The following STK3 variants were observed in gnomAD, a reference collection of about 807,000 sequenced individuals.
The protein encoded by STK3 is serine/threonine kinase 3.
In STK3, 41 loss-of-function variants were observed where a neutral mutation model predicts 58.0. The ratio of observed to expected loss-of-function variants is 0.71; its 90% confidence interval spans 0.55 to 0.92. The LOEUF (loss-of-function observed/expected upper bound fraction) is 0.92. STK3 is among the 40% of genes least tolerant of loss of function. The pLI is 0.00. For synonymous variants in STK3, 170 were observed against 191.0 expected, an observed-to-expected ratio of 0.89 and a Z score of 0.91; for missense variants, 479 against 602.7, an observed-to-expected ratio of 0.79 and a Z score of 2.15.
intron 1 of STK3, among the ~76,000 whole-genome samples, chr8:98,912,413 A>G (rs1243359876): frequency 2.0e-5 from 3 of 152,056 alleles, no homozygotes; most frequent in Non-Finnish European, 4.4e-5. Flanking sequence ...AACGAAAAAA[A>G]AAAAACTTTA....
chr8:98,614,001 C>A (rs1412227808), intron 6 of STK3, among the ~76,000 whole-genome samples: 1 of 151,930 alleles, frequency 6.6e-6, no homozygotes, highest in Non-Finnish European at 1.5e-5. Context: ...ATATAACAAG[C>A]ACTAATGTAT....
chr8:98,854,061 A>G (rs983749685), intron 3 of STK3, among the ~76,000 whole-genome samples: 1 of 152,242 alleles, frequency 6.6e-6, no homozygotes, highest in Non-Finnish European at 1.5e-5. Flanking sequence ...ATCTCTTATG[A>G]ATATGAATGT....
chr8:98,721,244 G>A (rs1827400254), intron 4 of STK3: 1 of 382,648 alleles, frequency 2.6e-6, no homozygotes, highest in Admixed American at 6.4e-5. Flanking sequence ...AAATCACTAA[G>A]CAGGAAAGAT....
At chr8:98,537,495 T>TA (rs1197671085) in intron 9 of STK3, among the ~76,000 whole-genome samples, 2 of 151,830 alleles carry the variant, frequency 1.3e-5, no homozygotes, top group African/African-American at 2.4e-5. Context: ...TACAATTTAT[T>TA]AAAAAAAATA....
intron 6 of STK3, among the ~76,000 whole-genome samples, chr8:98,684,419 C>T (rs556659778): frequency 1.2e-4 from 19 of 152,226 alleles, no homozygotes; most frequent in East Asian, 7.7e-4. Context: ...AACAACTGCT[C>T]GATCCTTCCA....
At chr8:98,838,021 G>C (rs949505055) in intron 3 of STK3, among the ~76,000 whole-genome samples, 5 of 148,526 alleles carry the variant, frequency 3.4e-5, no homozygotes, top group African/African-American at 1.0e-4. Flanking sequence ...TTGAGGTTAG[G>C]AGTTTGAGAC....
intron 6 of STK3, among the ~76,000 whole-genome samples, chr8:98,637,055 ATTT>A (rs199727972): frequency 5.0e-5 from 7 of 140,138 alleles, no homozygotes; most frequent in Non-Finnish European, 3.1e-5. Flanking sequence ...CATTTGTAAG[ATTT>A]TTTTTTTTTT....
chr8:98,363,156 T>A, the STK3 span, among the ~76,000 whole-genome samples: 1 of 152,184 alleles, frequency 6.6e-6, no homozygotes, highest in African/African-American at 2.4e-5. Flanking sequence ...GAAGACCCCA[T>A]GAGTCATGTA....
At chr8:98,502,310 G>A (rs922677562) in intron 10 of STK3, among the ~76,000 whole-genome samples, 1 of 152,176 alleles carries the variant, frequency 6.6e-6, no homozygotes, top group African/African-American at 2.4e-5. Context: ...TTTGGGCTGA[G>A]ACAATGGGGT....
chr8:98,529,446 A>AT (rs1339020923), intron 9 of STK3, among the ~76,000 whole-genome samples: 1 of 152,202 alleles, frequency 6.6e-6, no homozygotes, highest in East Asian at 1.9e-4. Context: ...ATATTTATTC[A>AT]TCAAAAGAAT....
intron 3 of STK3, among the ~76,000 whole-genome samples, chr8:98,853,488 C>T (rs943806039): frequency 9.9e-5 from 15 of 152,208 alleles, no homozygotes; most frequent in Admixed American, 1.3e-4. Context: ...CACACCTCCT[C>T]GTTCTTACTT....
intron 3 of STK3, among the ~76,000 whole-genome samples, chr8:98,853,411 C>A (rs1029380494): frequency 6.6e-6 from 1 of 152,138 alleles, no homozygotes; most frequent in African/African-American, 2.4e-5. Flanking sequence ...TACTGCTGGT[C>A]TCTGGTCTGT....
intron 1 of STK3, among the ~76,000 whole-genome samples, chr8:98,805,875 AAG>A (rs1248172373): frequency 2.0e-5 from 3 of 151,996 alleles, no homozygotes; most frequent in African/African-American, 7.3e-5. Flanking sequence ...CACCTCCTTA[AAG>A]ACACAATCAA....
intron 3 of STK3, among the ~76,000 whole-genome samples, chr8:98,426,337 A>G (rs1818231893): frequency 6.6e-6 from 1 of 152,212 alleles, no homozygotes; most frequent in African/African-American, 2.4e-5. Flanking sequence ...CATTTTAATG[A>G]ACGCGGTACA....
chr8:98,367,300 A>G (rs1314368519), downstream of STK3, among the ~76,000 whole-genome samples: 1 of 152,190 alleles, frequency 6.6e-6, no homozygotes, highest in Non-Finnish European at 1.5e-5. Flanking sequence ...ACCCCAGCCC[A>G]TTTATCCTGG....
intron 1 of STK3, among the ~76,000 whole-genome samples, chr8:98,936,829 G>A (rs1440579611): frequency 6.6e-6 from 1 of 152,240 alleles, no homozygotes; most frequent in Non-Finnish European, 1.5e-5. Flanking sequence ...TGACATCATA[G>A]CATCCACCCA....
intron 7 of STK3, among the ~76,000 whole-genome samples, chr8:98,583,870 T>A (rs1361247963): frequency 6.6e-6 from 1 of 151,900 alleles, no homozygotes; most frequent in Non-Finnish European, 1.5e-5. Flanking sequence ...TGTGTGTGTG[T>A]GTGTAAGAGA....
At chr8:98,514,117 CT>C (rs1824738868) in intron 10 of STK3, among the ~76,000 whole-genome samples, 1 of 152,092 alleles carries the variant, frequency 6.6e-6, no homozygotes, top group Admixed American at 6.6e-5. Flanking sequence ...CCTCCTTCCC[CT>C]CTCTCTCCAA....
intron 8 of STK3, among the ~76,000 whole-genome samples, chr8:98,555,572 C>T (rs1166307242): frequency 2.0e-5 from 3 of 152,050 alleles, no homozygotes; most frequent in African/African-American, 7.2e-5. Context: ...GTATCAGTAT[C>T]AGAGCAGTGA....
Sources: allele counts gnomAD v4.1 joint callset (sites outside exome capture counted in the v4.1 genomes callset), GRCh38; gene constraint gnomAD v4.1.1; transcripts MANE v1.5; gene names NCBI Gene and HGNC (gene_info 2026-07-23, HGNC 2026-07-21).